SENP7: variants seen among roughly 807,000 people sequenced by gnomAD.
SENP7 encodes the protein SUMO specific peptidase 7.
SENP7 carries 64 observed loss-of-function variants against 141.2 expected under a neutral mutation model. That is an observed-to-expected ratio of 0.45 (90% CI 0.37 to 0.56). The LOEUF (loss-of-function observed/expected upper bound fraction) is 0.56, where lower values mean the gene tolerates loss of function less well. Ranked by LOEUF, SENP7 falls within the 20% of genes least tolerant of loss-of-function variation. The probability of loss-of-function intolerance (pLI) is 0.00; values close to 1 mark genes in which losing one functional copy is unlikely to be tolerated. For missense variants in SENP7, 1,025 were observed against 1,212.2 expected (o/e 0.85, Z 2.29); for synonymous variants, 382 against 426.4 (o/e 0.90, Z 1.28).
chr3:101,449,165 T>G (rs1394571036), intron 4 of SENP7, among the ~76,000 whole-genome samples: 6 of 151,844 alleles, frequency 4.0e-5, no homozygotes, highest in Non-Finnish European at 4.4e-5. Context: ...GAGAGAAGTT[T>G]AGAGAAAAAA....
At chr3:101,386,865 T>G (rs995121561) in intron 6 of SENP7, among the ~76,000 whole-genome samples, 1 of 152,152 alleles carries the variant, frequency 6.6e-6, no homozygotes, top group African/African-American at 2.4e-5. Flanking sequence ...CCAGCTGACA[T>G]CCCAGGCCCC....
chr3:101,461,550 TCATA>T (rs2063546970), intron 3 of SENP7, among the ~76,000 whole-genome samples: 1 of 151,626 alleles, frequency 6.6e-6, no homozygotes, highest in Non-Finnish European at 1.5e-5. Context: ...CATGGAACCT[TCATA>T]CATTGCTAGT....
intron 7 of SENP7, among the ~76,000 whole-genome samples, chr3:101,370,969 T>C (rs756448640): frequency 3.9e-5 from 6 of 152,236 alleles, no homozygotes; most frequent in Non-Finnish European, 8.8e-5. Context: ...TTTTTTTGTA[T>C]TGTGAATAAC....
intron 1 of SENP7, among the ~76,000 whole-genome samples, chr3:101,502,434 C>CCACCGCGCCTGGCTGGATTTGCTT (rs2065422221): frequency 6.6e-6 from 1 of 152,176 alleles, no homozygotes; most frequent in South Asian, 2.1e-4. Flanking sequence ...TCCCGAGTAG[C>CCACCGCGCCTGGCTGGATTTGCTT]TGGGATTACA....
At chr3:101,353,238 G>A (rs2059656280) in intron 11 of SENP7, among the ~76,000 whole-genome samples, 2 of 151,780 alleles carry the variant, frequency 1.3e-5, no homozygotes, top group South Asian at 2.1e-4. Flanking sequence ...CTTGGCAAAC[G>A]TAAATCATTA....
At chr3:101,333,772 T>C (rs2059115736) in intron 17 of SENP7, among the ~76,000 whole-genome samples, 1 of 152,152 alleles carries the variant, frequency 6.6e-6, no homozygotes, top group African/African-American at 2.4e-5. Context: ...GAAGTATTCA[T>C]AATCTAATAT....
At chr3:101,418,097 G>T (rs2061679007) in intron 4 of SENP7, among the ~76,000 whole-genome samples, 1 of 152,190 alleles carries the variant, frequency 6.6e-6, no homozygotes, top group African/African-American at 2.4e-5. Context: ...TTGAAGGACA[G>T]TGTTCATTTG....
At chr3:101,469,163 C>G (rs112148964) in intron 3 of SENP7, among the ~76,000 whole-genome samples, 60,289 of 151,820 alleles carry the variant, frequency 0.4, 12,492 homozygotes, top group Admixed American at 0.54. Flanking sequence ...GAAGAGCTAA[C>G]TATCCTAAAT....
At position 101,468,054 on chromosome 3, in the gene SENP7, G is replaced by A. The variant is rs1455709713; in HGVS notation, c.187-9002C>T. On this transcript the variant is annotated intron_variant, in intron 3 of 23. Transcript: ENST00000394095. ...GAAAACCATGGCACGAGAGCTTCGTGACACATGCACAAGCTTCGATAGACA... is the reference window on the plus strand; with the variant it reads ...GAAAACCATGGCACGAGAGCTTCGTAACACATGCACAAGCTTCGATAGACA... 3.3e-5 allele frequency among the ~76,000 whole-genome samples: 5 copies of A among 152,162 alleles called. No homozygotes were observed. The East Asian group carries it at 7.7e-4, about 23-fold the overall frequency.
intron 3 of SENP7, among the ~76,000 whole-genome samples, chr3:101,463,416 T>TAC (rs1553744852): frequency 0.01 from 1,193 of 116,472 alleles, 31 homozygotes; most frequent in African/African-American, 0.039. Context: ...TATATATATA[T>TAC]ACACACACAT....
At chr3:101,367,404 T>G (rs1231416384) in intron 8 of SENP7, among the ~76,000 whole-genome samples, 2 of 151,888 alleles carry the variant, frequency 1.3e-5, no homozygotes, top group African/African-American at 4.8e-5. Flanking sequence ...CCCTAAACTC[T>G]AGATAAACAG....
rs199671093 is a variant in SENP7, at chr3:101,397,127, G to A, written c.677+1734C>T. Among the ~76,000 whole-genome samples, 9 of 152,276 alleles carry A rather than the reference G, an allele frequency of 5.9e-5. No homozygotes were observed. In the East Asian group the frequency reaches 1.7e-3, roughly 29 times the overall value. On this transcript the variant is annotated intron_variant, in intron 6 of 23. Transcript: ENST00000394095. ...CAAAGTGCTGGGATTACAGGCGTGA[G>A]CCACCATACCCGGCTGTTGTTTTTG...
intron 12 of SENP7, among the ~76,000 whole-genome samples, chr3:101,349,101 C>T (rs17402964): frequency 0.21 from 32,172 of 152,046 alleles, 3,596 homozygotes; most frequent in Non-Finnish European, 0.24. Flanking sequence ...ATAGCCCACT[C>T]CAACCCCGTG....
intron 3 of SENP7, among the ~76,000 whole-genome samples, chr3:101,464,619 A>C (rs1266056675): frequency 2.0e-5 from 3 of 152,134 alleles, no homozygotes; most frequent in African/African-American, 7.2e-5. Flanking sequence ...CAGGAAATCA[A>C]GCTCAGGTCT....
intron 12 of SENP7, among the ~76,000 whole-genome samples, chr3:101,350,026 G>T (rs923925832): frequency 1.3e-5 from 2 of 152,158 alleles, no homozygotes; most frequent in African/African-American, 4.8e-5. Context: ...CTCCTTAAAA[G>T]GGCAAGAGAT....
intron 4 of SENP7, 76 bp from the exon 5 acceptor site, chr3:101,417,866 C>T (rs948940626): frequency 2.6e-6 from 3 of 1,168,842 alleles, no homozygotes; most frequent in African/African-American, 3.1e-5. Flanking sequence ...AAACTAATAT[C>T]TCCAGAAACT....
chr3:101,431,963 G>A (rs932615594), intron 4 of SENP7, among the ~76,000 whole-genome samples: 7 of 152,166 alleles, frequency 4.6e-5, no homozygotes, highest in Non-Finnish European at 1.0e-4. Context: ...TGGCCACAGC[G>A]GAGTAGAGCA....
intron 19 of SENP7, among the ~76,000 whole-genome samples, chr3:101,330,701 A>G (rs959704676): frequency 6.6e-6 from 1 of 152,216 alleles, no homozygotes; most frequent in Non-Finnish European, 1.5e-5. Context: ...TTTAATGCAG[A>G]AGGTAGTTAA....
chr3:101,509,362 AC>A (rs1256592132), intron 1 of SENP7, among the ~76,000 whole-genome samples: 1 of 152,000 alleles, frequency 6.6e-6, no homozygotes, highest in Non-Finnish European at 1.5e-5. Context: ...AACCACTCTT[AC>A]CATCAGTAAA....
Sources: allele counts gnomAD v4.1 joint callset (sites outside exome capture counted in the v4.1 genomes callset), GRCh38; gene constraint gnomAD v4.1.1; transcripts MANE v1.5; gene names NCBI Gene and HGNC (gene_info 2026-07-23, HGNC 2026-07-21).